The following ACSL3 variants were observed in gnomAD, a reference collection of about 807,000 sequenced individuals.
ACSL3 encodes the protein fatty acid CoA ligase Acsl3.
Under a neutral mutation model 84.7 loss-of-function variants are expected in ACSL3, and 34 were observed. The observed-to-expected ratio is 0.40, with a 90% CI of 0.31 to 0.53. ACSL3 has a LOEUF of 0.53. Among genes scored for constraint, ACSL3 ranks in the 20% least tolerant of loss-of-function variants. ACSL3 has a pLI of 0.48. For synonymous variants in ACSL3, 315 were observed against 299.4 expected (o/e 1.05, Z -0.54); for missense variants, 680 against 873.1 (o/e 0.78, Z 2.79).
Position 222,944,012 on chromosome 2 carries a change from A to T in ACSL3, c.*2358A>T, listed in dbSNP as rs1407750876. On this transcript the variant is annotated 3_prime_UTR_variant, in exon 17 of 17. Coordinates refer to ENST00000357430, the MANE Select transcript of ACSL3 (RefSeq NM_004457.5). ...ATTCGTAAGCATTACATGTTCCAGT[A>T]AGTTTAGCAACTTAGAGCCAAGACT... The T allele has an allele frequency of 6.6e-6, 1 of 152,190 alleles. No individual in the cohort carries two copies. The highest frequency in any genetic ancestry group is 1.5e-5 in the Non-Finnish European group (1 of 67,986). 9.4% of individuals were successfully genotyped at this position (152,190 alleles called of 1,614,324 possible).
chr2:222,937,799 T>C (rs1697213299), intron 16 of ACSL3, among the ~76,000 whole-genome samples: 1 of 152,152 alleles, frequency 6.6e-6, no homozygotes, highest in Non-Finnish European at 1.5e-5. Flanking sequence ...CAGGTCATTA[T>C]TGATATGAAA....
intron 16 of ACSL3, among the ~76,000 whole-genome samples, chr2:222,936,166 T>G (rs989739737): frequency 2.6e-5 from 4 of 152,190 alleles, no homozygotes; most frequent in Admixed American, 6.5e-5. Flanking sequence ...GTTTGGACAT[T>G]TGGGTTGTTT....
At chr2:222,924,170 C>A (rs1696814421) in intron 10 of ACSL3, among the ~76,000 whole-genome samples, 2 of 152,150 alleles carry the variant, frequency 1.3e-5, no homozygotes, top group African/African-American at 2.4e-5. Flanking sequence ...GAATATCTTA[C>A]AATTTATATG....
chr2:222,928,453 C>G (rs1696939247), intron 12 of ACSL3, among the ~76,000 whole-genome samples: 1 of 152,140 alleles, frequency 6.6e-6, no homozygotes, highest in South Asian at 2.1e-4. Flanking sequence ...AGGCAGCTAC[C>G]TATTTAAATG....
At chr2:222,886,926 G>C (rs981552959) in intron 1 of ACSL3, among the ~76,000 whole-genome samples, 109 of 152,076 alleles carry the variant, frequency 7.2e-4, no homozygotes, top group Admixed American at 2.0e-3. Context: ...TTGACACATC[G>C]TTATCACCCA....
intron 2 of ACSL3, among the ~76,000 whole-genome samples, chr2:222,895,119 C>T (rs1282202690): frequency 1.3e-5 from 2 of 152,162 alleles, no homozygotes; most frequent in African/African-American, 2.4e-5. Context: ...TCCAGCCTGC[C>T]TTTGCTATTC....
chr2:222,912,468 G>C (rs1696469693), intron 4 of ACSL3, among the ~76,000 whole-genome samples: 1 of 152,172 alleles, frequency 6.6e-6, no homozygotes, highest in African/African-American at 2.4e-5. Context: ...TCAGTGAAGT[G>C]TGTCTTCATT....
chr2:222,883,212 CT>C (rs553225806), intron 1 of ACSL3, among the ~76,000 whole-genome samples: 41 of 137,590 alleles, frequency 3.0e-4, no homozygotes, highest in African/African-American at 1.1e-3. Flanking sequence ...CAAAGTTTTG[CT>C]CTTGTTGCCC....
chr2:222,935,566 T>G (rs1468546561), intron 16 of ACSL3, among the ~76,000 whole-genome samples: 1 of 152,206 alleles, frequency 6.6e-6, no homozygotes, highest in African/African-American at 2.4e-5. Flanking sequence ...ACACAGTCTT[T>G]TAAGTCAGCC....
rs1697077796 is a variant in ACSL3, at chr2:222,933,257, T to C, written c.1824T>C (p.Asp608=). ...CTTTGAAGAATCTTCCACTAGTAGA[T>C]AACATTTGTGCATATGCAAACAGGT... The part of the protein sequence containing the change: ...EAALKNLPLV[D]NICAYANSYH... The change falls in exon 15 of 17, where the codon GAT becomes GAC. Residue 608 remains aspartate, a synonymous_variant. Coordinates refer to ENST00000357430, the MANE Select transcript of ACSL3 (RefSeq NM_004457.5). The C allele has an allele frequency of 6.2e-7, 1 of 1,613,170 alleles. No homozygotes were observed. The highest frequency in any genetic ancestry group is 8.5e-7 in the Non-Finnish European group (1 of 1,179,476).
chr2:222,941,912 A>G lies in ACSL3; in HGVS notation c.*258A>G. On this transcript the variant is annotated 3_prime_UTR_variant, in exon 17 of 17. Coordinates refer to ENST00000357430, the MANE Select transcript of ACSL3 (RefSeq NM_004457.5). ...CTTGTCAGTATGAGAATTTTTCTGA[A>G]TCATATTGGGGAAGCAGTGATTTTA... 3 of 331,366 alleles carry G rather than the reference A, an allele frequency of 9.1e-6. No homozygotes were observed. Among genetic ancestry groups the G allele is most frequent in the East Asian group, 4.5e-5 (1 of 22,114 alleles). 20.5% of individuals were successfully genotyped at this position (331,366 alleles called of 1,614,324 possible). A position where few individuals can be genotyped will look rare whatever the true frequency, so the allele number is the denominator to read the frequency against.
At chr2:222,900,898 C>A (rs372467992) in intron 3 of ACSL3, 118 bp downstream of exon 3, 2 of 152,186 alleles carry the variant, frequency 1.3e-5, no homozygotes, top group African/African-American at 4.8e-5. Context: ...CATTAGAATG[C>A]AAACTAAGTT....
In ACSL3 at chr2:222,942,625, A is replaced by G. The variant is rs1697343894; in HGVS notation, c.*971A>G. On this transcript the variant is annotated 3_prime_UTR_variant, in exon 17 of 17. Coordinates refer to ENST00000357430, the MANE Select transcript of ACSL3 (RefSeq NM_004457.5). ...CTATCTCAAAGTCTCCTTTTAGTCT[A>G]GATAATCATTATTTCATTTTAAAAT... The G allele has an allele frequency of 5.0e-6, 1 of 200,608 alleles. No individual in the cohort carries two copies. The highest frequency in any genetic ancestry group is 1.9e-4 in the South Asian group (1 of 5,246). 12.4% of individuals were successfully genotyped at this position (200,608 alleles called of 1,614,324 possible). A position where few individuals can be genotyped will look rare whatever the true frequency, so the allele number is the denominator to read the frequency against.
chr2:222,891,914 A>G (rs1365289550), intron 2 of ACSL3, among the ~76,000 whole-genome samples: 1 of 152,188 alleles, frequency 6.6e-6, no homozygotes, highest in East Asian at 1.9e-4. Context: ...GTAAAGTGGA[A>G]CTTTTTATCT....
intron 1 of ACSL3, among the ~76,000 whole-genome samples, chr2:222,863,785 A>G (rs1428790374): frequency 6.6e-6 from 1 of 152,210 alleles, no homozygotes; most frequent in Non-Finnish European, 1.5e-5. Flanking sequence ...TTAAAAATAT[A>G]TAAATGTCTC....
At chr2:222,914,339 C>G (rs1696522133) in intron 4 of ACSL3, among the ~76,000 whole-genome samples, 1 of 151,684 alleles carries the variant, frequency 6.6e-6, no homozygotes, top group African/African-American at 2.4e-5. Flanking sequence ...TCATAGCTCT[C>G]TGCAGCCTTG....
At chr2:222,939,762 T>G (rs1559306750) in intron 16 of ACSL3, among the ~76,000 whole-genome samples, 1 of 152,184 alleles carries the variant, frequency 6.6e-6, no homozygotes, top group African/African-American at 2.4e-5. Context: ...TTTCTGGGTT[T>G]CTTACACAGG....
rs1696359944 is a variant in ACSL3 at position 222,908,711 on chromosome 2, CCTTT to C, written c.-40-17_-40-14del. ...ATTTTAAAATGATTTTGAACTAACG[CCTTT>C]CTTTTTCTTCCTCCTAGATTCTCGC... On this transcript the variant is annotated intron_variant, in intron 3 of 16. Coordinates refer to ENST00000357430, the MANE Select transcript of ACSL3 (RefSeq NM_004457.5). The C allele has an allele frequency of 7.1e-7, 1 of 1,413,356 alleles. No individual in the cohort carries two copies. Among genetic ancestry groups the C allele is most frequent in the Non-Finnish European group, 9.6e-7 (1 of 1,041,060 alleles). 87.6% of individuals were successfully genotyped at this position (1,413,356 alleles called of 1,614,324 possible).
Position 222,941,953 on chromosome 2 carries a change from A to C in ACSL3, c.*299A>C, listed in dbSNP as rs1323059433. 3.6e-6 allele frequency: 1 copy of C among 279,266 alleles called. No individual in the cohort carries two copies. The highest frequency in any genetic ancestry group is 6.7e-6 in the Non-Finnish European group (1 of 148,886). 17.3% of individuals were successfully genotyped at this position (279,266 alleles called of 1,614,324 possible). On this transcript the variant is annotated 3_prime_UTR_variant, in exon 17 of 17. Coordinates refer to ENST00000357430, the MANE Select transcript of ACSL3 (RefSeq NM_004457.5). ...AGTGATTTTAAAACCTCAAGTTTTT[A>C]AACATGATTTATATGTTCTGTATAA...
Sources: allele counts gnomAD v4.1 joint callset (sites outside exome capture counted in the v4.1 genomes callset), GRCh38; gene constraint gnomAD v4.1.1; transcripts MANE v1.5; gene names NCBI Gene and HGNC (gene_info 2026-07-23, HGNC 2026-07-21).